Variants in CPEB3 observed in about 807,000 individuals in gnomAD.
CPEB3 encodes cytoplasmic polyadenylation element binding protein 3, also known as cytoplasmic polyadenylation element-binding protein 3.
A neutral mutation model predicts 67.2 loss-of-function variants in CPEB3; 20 were observed. That is an observed-to-expected ratio of 0.30 (90% CI 0.21 to 0.43). CPEB3 has a LOEUF of 0.43. Among genes scored for constraint, CPEB3 ranks in the 20% least tolerant of loss-of-function variants. CPEB3 has a pLI of 1.00. For missense variants in CPEB3, 746 were observed against 968.6 expected, an observed-to-expected ratio of 0.77 and a Z score of 3.05; for synonymous variants, 376 against 393.1, an observed-to-expected ratio of 0.96 and a Z score of 0.51.
chr10:92,239,791 G>T lies in CPEB3; in HGVS notation c.560C>A (p.Pro187Gln). The T allele has an allele frequency of 1.4e-6, 2 of 1,411,392 alleles. No homozygotes were observed. The highest frequency in any genetic ancestry group is 1.8e-6 in the Non-Finnish European group (2 of 1,089,650). The allele number at this position is 1,411,392 out of a possible 1,614,324, so 87.4% of individuals were successfully genotyped here. A position where few individuals can be genotyped will look rare whatever the true frequency, so the allele number is the denominator to read the frequency against. The change falls in exon 2 of 10, where the codon CCG (proline) becomes CAG (glutamine). Residue 187 changes from proline to glutamine, a missense_variant. This residue lies in a region of CPEB3 where 643 missense variants were observed against 717.5 expected (regional missense o/e 0.90). Coordinates refer to ENST00000265997, the MANE Select transcript of CPEB3 (RefSeq NM_014912.5). The surrounding 1 kb of genome is among the most constrained non-coding windows in gnomAD (Gnocchi z 6.0). ...GCTGGCGGGTGAGCGGCGCTGCTGC[G>T]GGGGCTGCGCCTGTGGTGGCTGCGC... is the stretch of plus-strand genomic sequence containing the variant. The part of the protein sequence containing the change: ...QPAQPPQAQP[P>Q]QQRRSPASPS...
intron 9 of CPEB3, among the ~76,000 whole-genome samples, chr10:92,053,929 G>A (rs1253878910): frequency 6.6e-6 from 1 of 151,428 alleles, no homozygotes; most frequent in African/African-American, 2.4e-5. Flanking sequence ...CAGGTGATCT[G>A]CCTGCCTCAG....
chr10:92,142,535 G>A (rs531926655), intron 6 of CPEB3, among the ~76,000 whole-genome samples: 1 of 152,238 alleles, frequency 6.6e-6, no homozygotes, highest in East Asian at 1.9e-4. Context: ...AGTGTCTTTT[G>A]CTAGTTTGCC....
At chr10:92,249,663 A>T (rs925511061) in intron 1 of CPEB3, among the ~76,000 whole-genome samples, 3 of 150,448 alleles carry the variant, frequency 2.0e-5, no homozygotes, top group Non-Finnish European at 4.4e-5. Context: ...AATAAAAAAT[A>T]AAAAAGTAAA....
At chr10:92,258,625 A>AACTAATACATATAT (rs1554936345) in intron 1 of CPEB3, among the ~76,000 whole-genome samples, 1 of 32,914 alleles carries the variant, frequency 3.0e-5, no homozygotes, top group Admixed American at 3.3e-4. Context: ...ATATTTTTTG[A>AACTAATACATATAT]ATATATATAT....
At chr10:92,290,472 A>T (rs1842812068) in intron 1 of CPEB3, among the ~76,000 whole-genome samples, 1 of 152,132 alleles carries the variant, frequency 6.6e-6, no homozygotes, top group African/African-American at 2.4e-5. Flanking sequence ...AGAGCTGTTT[A>T]TTCACCAACG....
chr10:92,078,379 T>C (rs1156652941), intron 9 of CPEB3, among the ~76,000 whole-genome samples: 1 of 152,232 alleles, frequency 6.6e-6, no homozygotes, highest in African/African-American at 2.4e-5. Flanking sequence ...GCTGGTTAAA[T>C]ACCTTTCGAC....
At chr10:92,290,890 A>G (rs1021092221) in intron 1 of CPEB3, 36 bp downstream of exon 1, 10 of 153,134 alleles carry the variant, frequency 6.5e-5, no homozygotes, top group African/African-American at 1.7e-4. Flanking sequence ...TGAGGGCAAG[A>G]GCGGAGGCAA....
chr10:92,057,800 C>T (rs562032943), intron 9 of CPEB3, among the ~76,000 whole-genome samples: 3 of 152,198 alleles, frequency 2.0e-5, no homozygotes, highest in African/African-American at 7.2e-5. Flanking sequence ...AGAATCTCTG[C>T]CTGGTAATGC....
Position 92,240,203 on chromosome 10 carries a change from T to C in CPEB3, c.148A>G (p.Asn50Asp). The change falls in exon 2 of 10, where the codon AAC becomes GAC. Residue 50 changes from asparagine (N) to aspartate (D), a missense_variant. Coordinates refer to ENST00000265997, the MANE Select transcript of CPEB3 (RefSeq NM_014912.5). ...LSSETPKPEE[N>D]SAVPALSPAA... Reference sequence around the variant, plus strand: ...GGGCTGAGGGCCGGCACTGCGCTGTTTTCCTCCGGCTTGGGGGTCTCTGAG... The same window carrying C: ...GGGCTGAGGGCCGGCACTGCGCTGTCTTCCTCCGGCTTGGGGGTCTCTGAG... 1 of 1,515,320 alleles carries C rather than the reference T, an allele frequency of 6.6e-7. No individual in the cohort carries two copies. Among genetic ancestry groups the C allele is most frequent in the South Asian group, 1.3e-5 (1 of 77,710 alleles). 93.9% of individuals were successfully genotyped at this position (1,515,320 alleles called of 1,614,324 possible).
At chr10:92,137,101 G>T in intron 6 of CPEB3, 1 of 293,630 alleles carries the variant, frequency 3.4e-6, no homozygotes. Flanking sequence ...TGGGAAAATG[G>T]CCACTTTTGC....
chr10:92,246,991 C>T (rs1852099138), intron 1 of CPEB3, among the ~76,000 whole-genome samples: 1 of 152,154 alleles, frequency 6.6e-6, no homozygotes, highest in African/African-American at 2.4e-5. Flanking sequence ...ATTAACACTG[C>T]CCATACTTAA....
intron 4 of CPEB3, among the ~76,000 whole-genome samples, chr10:92,153,046 T>C (rs1847036295): frequency 6.6e-6 from 1 of 152,206 alleles, no homozygotes; most frequent in African/African-American, 2.4e-5. Context: ...GTGCTCAAAT[T>C]TTCCTATTAC....
chr10:92,124,734 T>C (rs944295683), intron 6 of CPEB3, among the ~76,000 whole-genome samples: 11 of 152,214 alleles, frequency 7.2e-5, no homozygotes, highest in African/African-American at 2.7e-4. Flanking sequence ...TGGAAAAACT[T>C]GGAATCTGGC....
intron 2 of CPEB3, among the ~76,000 whole-genome samples, chr10:92,211,094 A>T (rs1218168829): frequency 2.0e-5 from 3 of 152,230 alleles, no homozygotes; most frequent in Non-Finnish European, 4.4e-5. Context: ...GAAAGCTCAA[A>T]GAAAATACCA....
intron 2 of CPEB3, among the ~76,000 whole-genome samples, chr10:92,206,247 A>T (rs569398370): frequency 6.6e-6 from 1 of 151,428 alleles, no homozygotes; most frequent in East Asian, 1.9e-4. Context: ...AATTTTTTGT[A>T]TTTTTAGCAG....
intron 6 of CPEB3, among the ~76,000 whole-genome samples, chr10:92,133,604 C>T (rs1229786378): frequency 2.6e-5 from 4 of 152,188 alleles, no homozygotes; most frequent in Non-Finnish European, 5.9e-5. Context: ...GAGCTGGTAC[C>T]ATTCCTTCTA....
At chr10:92,096,305 T>C (rs955743945) in intron 7 of CPEB3, among the ~76,000 whole-genome samples, 1 of 152,136 alleles carries the variant, frequency 6.6e-6, no homozygotes, top group Non-Finnish European at 1.5e-5. Context: ...TCAAAGTATA[T>C]GGGAGGATGC....
chr10:92,134,318 G>A (rs1845984145), intron 6 of CPEB3, among the ~76,000 whole-genome samples: 1 of 152,056 alleles, frequency 6.6e-6, no homozygotes, highest in Non-Finnish European at 1.5e-5. Flanking sequence ...CTTCAGCAAA[G>A]TCTCAGGATA....
chr10:92,268,221 A>AT (rs1007530794), intron 1 of CPEB3, among the ~76,000 whole-genome samples: 6 of 152,138 alleles, frequency 3.9e-5, no homozygotes, highest in African/African-American at 7.2e-5. Flanking sequence ...TTTGACAGAT[A>AT]TTTTTTCCTC....
Sources: allele counts gnomAD v4.1 joint callset (sites outside exome capture counted in the v4.1 genomes callset), GRCh38; gene constraint gnomAD v4.1.1; regional missense constraint gnomAD v4.1.1; non-coding constraint Gnocchi (gnomAD v3.1); transcripts MANE v1.5; gene names NCBI Gene and HGNC (gene_info 2026-07-23, HGNC 2026-07-21).